Variants in ANKFN1 observed in about 807,000 individuals in gnomAD.
ANKFN1 encodes the protein ankyrin repeat and fibronectin type III domain containing 1.
A neutral mutation model predicts 108.7 loss-of-function variants in ANKFN1; 74 were observed. The ratio of observed to expected loss-of-function variants is 0.68; its 90% confidence interval spans 0.56 to 0.83. The LOEUF (loss-of-function observed/expected upper bound fraction) is 0.83. Among genes scored for constraint, ANKFN1 ranks in the 40% least tolerant of loss-of-function variants. The pLI, the probability that ANKFN1 is intolerant of heterozygous loss-of-function variation, is 0.00. For missense variants in ANKFN1, 1,505 were observed against 1,382.3 expected (o/e 1.09, Z -1.41); for synonymous variants, 547 against 516.2 (o/e 1.06, Z -0.81).
At chr17:56,336,003 G>A (rs968987381) in intron 4 of ANKFN1, among the ~76,000 whole-genome samples, 9 of 152,126 alleles carry the variant, frequency 5.9e-5, no homozygotes, top group African/African-American at 1.7e-4. Context: ...TTCTGTTTAT[G>A]TAATGGATTA....
chr17:56,471,745 G>A (rs902107010), intron 15 of ANKFN1: 12 of 152,212 alleles, frequency 7.9e-5, no homozygotes, highest in Admixed American at 2.6e-4. Context: ...CTACGACTTG[G>A]ATGAACCTTG....
intron 19 of ANKFN1, among the ~76,000 whole-genome samples, chr17:56,498,587 GGTCAA>G (rs2051274467): frequency 6.6e-6 from 1 of 152,150 alleles, no homozygotes; most frequent in African/African-American, 2.4e-5. Context: ...GGCTCAAAAA[GGTCAA>G]GTGACTTGCT....
rs1261656506 is a variant in ANKFN1 at position 56,466,393 on chromosome 17, A to C, written c.1595A>C (p.Tyr532Ser). ...LGTHNLGRVY[Y>S]EPIKDRHGNI... ...ACACACAACTTGGGAAGAGTTTACT[A>C]TGAGCCCATTAAAGATCGACATGGA... The change falls in exon 15 of 21, where the codon TAT (tyrosine) becomes TCT (serine). Residue 532 changes from tyrosine to serine, a missense_variant. Coordinates refer to ENST00000682825, the MANE Select transcript of ANKFN1 (RefSeq NM_001370326.1). 1 of 1,614,180 alleles carries C rather than the reference A, an allele frequency of 6.2e-7. No individual in the cohort carries two copies. Among genetic ancestry groups the C allele is most frequent in the South Asian group, 1.1e-5 (1 of 91,078 alleles).
intron 10 of ANKFN1, among the ~76,000 whole-genome samples, chr17:56,447,825 A>G (rs2049347913): frequency 6.6e-6 from 1 of 152,198 alleles, no homozygotes; most frequent in Non-Finnish European, 1.5e-5. Flanking sequence ...CATGTTAGGG[A>G]GTAGAGGCCC....
chr17:56,251,222 T>C (rs1488395367), intron 3 of ANKFN1, among the ~76,000 whole-genome samples: 3 of 152,082 alleles, frequency 2.0e-5, no homozygotes, highest in Admixed American at 1.3e-4. Flanking sequence ...GAAACCTCTG[T>C]CTCCACTAAA....
In ANKFN1 at chr17:56,065,653, A is replaced by T. The variant is rs530357094; in HGVS notation, c.288+19328A>T. ...TCAGGGAATAAGAAGGCCCAAAGAG[A>T]GGAAGAGAGATGGGGGAATGGTTGG... is the stretch of plus-strand genomic sequence containing the variant. On this transcript the variant is annotated intron_variant, in intron 4 of 12. Coordinates refer to the ANKFN1 transcript ENST00000635860. 3.5e-3 allele frequency among the ~76,000 whole-genome samples: 532 copies of T among 152,270 alleles called. 2 individuals carry two copies. Among genetic ancestry groups the T allele is most frequent in the Non-Finnish European group, 6.5e-3 (444 of 68,014 alleles).
intron 9 of ANKFN1, among the ~76,000 whole-genome samples, chr17:56,441,757 TA>T: frequency 6.6e-6 from 1 of 152,358 alleles, no homozygotes; most frequent in South Asian, 2.1e-4. Context: ...TGTAATCATA[TA>T]AAAGCCTAGG....
chr17:56,516,801 A>G lies in ANKFN1; in HGVS notation c.*5532A>G, dbSNP rs1230541965. On this transcript the variant is annotated 3_prime_UTR_variant, in exon 21 of 21. Transcript: ENST00000682825. ...ATTTTCAAGAAAAATTGTCGACAGA[A>G]GAAATCTAAGCTATCAGAGGGAATG... 2.6e-5 allele frequency among the ~76,000 whole-genome samples: 4 copies of G among 152,252 alleles called. No homozygotes were observed. Among genetic ancestry groups the G allele is most frequent in the African/African-American group, 9.6e-5 (4 of 41,476 alleles).
chr17:56,287,259 G>T (rs544241971), intron 3 of ANKFN1, among the ~76,000 whole-genome samples: 1 of 152,092 alleles, frequency 6.6e-6, no homozygotes, highest in Admixed American at 6.6e-5. Flanking sequence ...CTCTACGAAC[G>T]GAAAAGCAGC....
chr17:56,137,975 C>T (rs1907691819), intron 4 of ANKFN1, among the ~76,000 whole-genome samples: 1 of 152,140 alleles, frequency 6.6e-6, no homozygotes, highest in African/African-American at 2.4e-5. Context: ...TGACTTAGAA[C>T]TGGCCTTCAA....
rs1265621318 is a variant in ANKFN1, at chr17:56,511,149, G to A, written c.3321G>A (p.Trp1107Ter). 1 of 1,536,018 alleles carries A rather than the reference G, an allele frequency of 6.5e-7. No individual in the cohort carries two copies. Among genetic ancestry groups the A allele is most frequent in the East Asian group, 2.4e-5 (1 of 40,882 alleles). Reference sequence around the variant, plus strand: ...TGGTGGCCCAGGACGAAAAACCATGGGCAAGCTTGAGCCCGCCCTCTGGAG... The same window carrying A: ...TGGTGGCCCAGGACGAAAAACCATGAGCAAGCTTGAGCCCGCCCTCTGGAG... The part of the protein sequence containing the change: ...AAVVAQDEKP[W>*]ASLSPPSGGR... Residue 1107 changes from tryptophan (W) to a stop codon, truncating the protein, a stop_gained, in exon 21 of 21, where the codon TGG (tryptophan) becomes TGA (stop). Coordinates refer to ENST00000682825, the MANE Select transcript of ANKFN1 (RefSeq NM_001370326.1). LOFTEE classifies it low-confidence loss of function (END_TRUNC).
At position 56,189,430 on chromosome 17, in the gene ANKFN1, A is replaced by G. The variant is rs187318938; in HGVS notation, c.-70-23168A>G. Among the ~76,000 whole-genome samples the G allele has an allele frequency of 5.3e-3, 804 of 151,950 alleles. 9 individuals carry two copies. The highest frequency in any genetic ancestry group is 7.6e-3 in the Non-Finnish European group (519 of 67,964). ...CGTGATCCGCCCGCCTCGGCCTCCC[A>G]AAGTGCTGGGATTACAGGCGTGAGC... On this transcript the variant is annotated intron_variant, in intron 1 of 20. Transcript: ENST00000682825.
intron 3 of ANKFN1, among the ~76,000 whole-genome samples, chr17:56,288,108 T>C (rs1345629898): frequency 6.6e-6 from 1 of 152,096 alleles, no homozygotes; most frequent in African/African-American, 2.4e-5. Flanking sequence ...TTTTCCACAA[T>C]GCACAATTTC....
intron 3 of ANKFN1, among the ~76,000 whole-genome samples, chr17:56,270,532 T>C (rs1230432656): frequency 1.3e-5 from 2 of 152,208 alleles, no homozygotes; most frequent in Admixed American, 1.3e-4. Context: ...CCCCTCCTAG[T>C]TGGTGGCTCT....
At chr17:56,300,117 A>G (rs2044631165) in intron 3 of ANKFN1, among the ~76,000 whole-genome samples, 1 of 152,232 alleles carries the variant, frequency 6.6e-6, no homozygotes, top group African/African-American at 2.4e-5. Context: ...AATGTGAATT[A>G]TAACGCTGAT....
chr17:56,256,042 A>T (rs2043349291), intron 3 of ANKFN1, among the ~76,000 whole-genome samples: 1 of 152,114 alleles, frequency 6.6e-6, no homozygotes, highest in Admixed American at 6.5e-5. Flanking sequence ...AAATATAGAG[A>T]TAGTAATTTT....
chr17:56,058,090 T>A (rs1007628004), intron 4 of ANKFN1, among the ~76,000 whole-genome samples: 2 of 152,176 alleles, frequency 1.3e-5, no homozygotes, highest in Non-Finnish European at 2.9e-5. Flanking sequence ...ACAGAGTAGA[T>A]TTAGCATAAT....
At chr17:56,347,701 G>A (rs1455419473) in intron 4 of ANKFN1, among the ~76,000 whole-genome samples, 1 of 152,024 alleles carries the variant, frequency 6.6e-6, no homozygotes, top group Non-Finnish European at 1.5e-5. Context: ...ATAGATGAAA[G>A]CTAGAAGAGT....
chr17:56,211,654 A>AT (rs1466836988), intron 1 of ANKFN1, among the ~76,000 whole-genome samples: 1 of 152,084 alleles, frequency 6.6e-6, no homozygotes, highest in Non-Finnish European at 1.5e-5. Flanking sequence ...CGATGGTGGC[A>AT]TTTTGATGGG....
Sources: gnomAD v4.1 joint callset for allele counts (sites outside exome capture counted in the v4.1 genomes callset) on GRCh38, gnomAD v4.1.1 for gene constraint, MANE v1.5 for transcripts, NCBI Gene and HGNC (gene_info 2026-07-23, HGNC 2026-07-21) for gene names.